Variants in ANKRD30B observed in about 807,000 individuals in gnomAD.
The protein encoded by ANKRD30B is ankyrin repeat domain 30B.
In ANKRD30B, 144 loss-of-function variants were observed where a neutral mutation model predicts 202.2. The observed-to-expected ratio is 0.71, with a 90% confidence interval of 0.62 to 0.82. ANKRD30B has a LOEUF of 0.82. ANKRD30B is among the 40% of genes least tolerant of loss of function. The pLI, the probability that ANKRD30B is intolerant of heterozygous loss-of-function variation, is 0.00. For missense variants in ANKRD30B, 1,487 were observed against 1,669.1 expected (o/e 0.89, Z 1.90); for synonymous variants, 508 against 561.3 (o/e 0.91, Z 1.34).
chr18:14,757,454 C>A (rs571026671), intron 4 of ANKRD30B, among the ~76,000 whole-genome samples: 1 of 152,252 alleles, frequency 6.6e-6, no homozygotes, highest in African/African-American at 2.4e-5. Flanking sequence ...TTGTTTTAAG[C>A]CTTCAGATTG....
At chr18:14,849,642 A>G (rs1283273404) in intron 40 of ANKRD30B, among the ~76,000 whole-genome samples, 1 of 151,674 alleles carries the variant, frequency 6.6e-6, no homozygotes, top group African/African-American at 2.4e-5. Flanking sequence ...TTGTTGAAAA[A>G]TATATAATAC....
rs1481956118 is a variant in ANKRD30B, at chr18:14,797,872, A to C, written c.2029+18A>C. 6.5e-7 allele frequency: 1 copy of C among 1,531,348 alleles called. No individual in the cohort carries two copies. The allele number at this position is 1,531,348 out of a possible 1,614,324, so 94.9% of individuals were successfully genotyped here. On this transcript the variant is annotated intron_variant, in intron 20 of 43. Transcript: ENST00000690538. ...CAAAGCAGGTACATTTTGTAATTTAAATTTTAATCTGGAATTAAGAATATT... is the reference window on the plus strand; with the variant it reads ...CAAAGCAGGTACATTTTGTAATTTACATTTTAATCTGGAATTAAGAATATT...
In ANKRD30B at chr18:14,772,206, A is replaced by G; in HGVS notation, c.1307A>G (p.Glu436Gly). The stretch of plus-strand genomic sequence containing the variant: ...AATTCACAGTGTACAAAAGTTGAGG[A>G]AGACTTTAATCTTGCTACCAAGGTA... The part of the protein sequence containing the change: ...IENSQCTKVE[E>G]DFNLATKIIS... The change falls in exon 9 of 44, where the codon GAA (glutamate) becomes GGA (glycine). Residue 436 changes from glutamate (E) to glycine (G), a missense_variant. By Grantham distance (98) the Glu-to-Gly change is moderately conservative (BLOSUM62 -2). This residue lies in a region of ANKRD30B where 889 missense variants were observed against 841.4 expected (regional missense o/e 1.06). Transcript: ENST00000690538. The G allele has an allele frequency of 6.6e-7, 1 of 1,508,108 alleles. No individual in the cohort carries two copies. The highest frequency in any genetic ancestry group is 8.9e-7 in the Non-Finnish European group (1 of 1,122,080). 93.4% of individuals were successfully genotyped at this position (1,508,108 alleles called of 1,614,324 possible).
chr18:14,790,294 G>C (rs1288713651), intron 15 of ANKRD30B, among the ~76,000 whole-genome samples: 1 of 152,174 alleles, frequency 6.6e-6, no homozygotes, highest in East Asian at 1.9e-4. Context: ...TTTGGGCTGA[G>C]ACAATGGGGT....
chr18:14,821,468 C>A (rs1218837824), intron 30 of ANKRD30B, among the ~76,000 whole-genome samples: 1 of 151,552 alleles, frequency 6.6e-6, no homozygotes, highest in Non-Finnish European at 1.5e-5. Context: ...GGTGTTTTTT[C>A]TTTTGTTGAG....
intron 7 of ANKRD30B, among the ~76,000 whole-genome samples, chr18:14,768,214 A>G (rs1916554389): frequency 6.6e-6 from 1 of 152,232 alleles, no homozygotes; most frequent in Non-Finnish European, 1.5e-5. Context: ...GACTGGGATC[A>G]GAGACCTTCC....
chr18:14,827,820 C>G lies in ANKRD30B; in HGVS notation c.2744-458C>G, dbSNP rs552264563. ...CTGTTTGGATGATGACTATTGTACA[C>G]TGTAGTTCACTTGCAGAGATCAAAT... is the stretch of plus-strand genomic sequence containing the variant. On this transcript the variant is annotated intron_variant, in intron 32 of 43. Transcript: ENST00000690538. Among the ~76,000 whole-genome samples the G allele has an allele frequency of 2.0e-5, 3 of 152,290 alleles. No homozygotes were observed. The East Asian group carries it at 5.8e-4, about 29-fold the overall frequency.
intron 28 of ANKRD30B, among the ~76,000 whole-genome samples, chr18:14,811,180 G>C (rs34336079): frequency 0.15 from 14,379 of 93,926 alleles, 1,444 homozygotes; most frequent in African/African-American, 0.33. Flanking sequence ...AATTTGTTTT[G>C]ACGTCTTAAA....
At chr18:14,875,870 ATCTG>A in the ANKRD30B span, among the ~76,000 whole-genome samples, 3 of 152,138 alleles carry the variant, frequency 2.0e-5, no homozygotes, top group Non-Finnish European at 4.4e-5. Context: ...GCGTTTCTTC[ATCTG>A]GGCAATGGGC....
chr18:14,821,709 C>T (rs1278704128), intron 30 of ANKRD30B, among the ~76,000 whole-genome samples: 1 of 152,170 alleles, frequency 6.6e-6, no homozygotes, highest in Non-Finnish European at 1.5e-5. Flanking sequence ...CCGCCCTCTT[C>T]AGGCTTCCAA....
chr18:14,886,839 A>G, the ANKRD30B span, among the ~76,000 whole-genome samples: 135 of 152,142 alleles, frequency 8.9e-4, 1 homozygote, highest in Non-Finnish European at 1.7e-3. Context: ...AAACCTAGCT[A>G]GCAAAGTCCT....
chr18:14,753,887 C>T (rs1455675536), intron 3 of ANKRD30B, among the ~76,000 whole-genome samples: 1 of 151,992 alleles, frequency 6.6e-6, no homozygotes, highest in East Asian at 1.9e-4. Flanking sequence ...TTAGAACTTT[C>T]ATTAGTAAGC....
At chr18:14,849,900 A>AT (rs1447985238) in intron 40 of ANKRD30B, among the ~76,000 whole-genome samples, 1 of 151,620 alleles carries the variant, frequency 6.6e-6, no homozygotes, top group Non-Finnish European at 1.5e-5. Flanking sequence ...TGACTGTGTG[A>AT]TATTTTTAAA....
chr18:14,905,498 G>T, the ANKRD30B span: 2 of 152,258 alleles, frequency 1.3e-5, no homozygotes, highest in African/African-American at 4.8e-5. Context: ...AGAAAGAAAT[G>T]CTTGAGTTAA....
At chr18:14,779,151 G>A (rs912818638) in intron 10 of ANKRD30B, among the ~76,000 whole-genome samples, 2 of 152,126 alleles carry the variant, frequency 1.3e-5, no homozygotes, top group Non-Finnish European at 2.9e-5. Context: ...ATATTTGAGT[G>A]AATTCACTTC....
rs1971923750 is a variant in ANKRD30B, at chr18:14,852,306, T to C, written c.4362T>C (p.Phe1454=). The C allele has an allele frequency of 6.5e-7, 1 of 1,543,974 alleles. No individual in the cohort carries two copies. The highest frequency in any genetic ancestry group is 2.1e-5 in the Admixed American group (1 of 48,434). Residue 1454 remains phenylalanine, a synonymous_variant, in exon 42 of 44, where the codon TTT becomes TTC. Transcript: ENST00000690538. ...GCAAGGTAACAATTAATATTCAGTT[T>C]CCTGAGATGAAAATGCAACGTCATC... The part of the protein sequence containing the change: ...NKSKVTINIQ[F]PEMKMQRHLN...
At chr18:14,753,923 T>C (rs962574618) in intron 3 of ANKRD30B, among the ~76,000 whole-genome samples, 6 of 152,134 alleles carry the variant, frequency 3.9e-5, no homozygotes, top group Admixed American at 1.3e-4. Context: ...TTTGATATTT[T>C]TCCAAAAATT....
chr18:14,788,591 A>T (rs964827170), intron 15 of ANKRD30B, among the ~76,000 whole-genome samples: 2 of 138,476 alleles, frequency 1.4e-5, no homozygotes, highest in African/African-American at 5.5e-5. Context: ...TCCCCTTCCC[A>T]TGTCCATGTG....
the ANKRD30B span, among the ~76,000 whole-genome samples, chr18:14,922,849 A>G: frequency 6.6e-6 from 1 of 152,154 alleles, no homozygotes; most frequent in Non-Finnish European, 1.5e-5. Flanking sequence ...GCTCACAGCA[A>G]CAAAAGTGAC....
Sources: gnomAD v4.1 joint callset for allele counts (sites outside exome capture counted in the v4.1 genomes callset) on GRCh38, gnomAD v4.1.1 for gene constraint, gnomAD v4.1.1 regional missense constraint, MANE v1.5 for transcripts, NCBI Gene and HGNC (gene_info 2026-07-23, HGNC 2026-07-21) for gene names.